KIAA1958: variants seen among roughly 807,000 people sequenced by gnomAD.
The protein encoded by KIAA1958 is uncharacterized protein KIAA1958.
KIAA1958 carries 14 observed loss-of-function variants against 47.2 expected under a neutral mutation model. The ratio of observed to expected loss-of-function variants is 0.30; its 90% CI spans 0.20 to 0.46. The LOEUF is 0.46. KIAA1958 is among the 20% of genes least tolerant of loss of function. The pLI is 1.00. For synonymous variants in KIAA1958, 354 were observed against 353.3 expected (o/e 1.00, Z -0.02); for missense variants, 803 against 909.2 (o/e 0.88, Z 1.50).
At chr9:112,500,896 C>T (rs971879711) in intron 1 of KIAA1958, among the ~76,000 whole-genome samples, 4 of 151,474 alleles carry the variant, frequency 2.6e-5, no homozygotes, top group Non-Finnish European at 5.9e-5. Context: ...ATTGCTTGAT[C>T]CCAGGAATTT....
chr9:112,642,258 T>A (rs995033910), intron 2 of KIAA1958, among the ~76,000 whole-genome samples: 22 of 152,224 alleles, frequency 1.4e-4, no homozygotes. Flanking sequence ...GAAGTGTTCA[T>A]GAATAGGCTT....
intron 1 of KIAA1958, among the ~76,000 whole-genome samples, chr9:112,559,749 T>TA (rs2131157681): frequency 6.6e-6 from 1 of 152,362 alleles, no homozygotes; most frequent in Admixed American, 6.5e-5. Context: ...TTAAAAATGT[T>TA]AAACATCACT....
Position 112,574,885 on chromosome 9 carries a change from A to G in KIAA1958, c.805A>G (p.Met269Val), listed in dbSNP as rs755426803. ...CAGCACGGAGCTAGACCCACACGGT[A>G]TGTCTGCATCCCCCTCTGTGATCTC... ...AISTELDPHG[M>V]SASPSVISRP... Residue 269 changes from methionine (M) to valine (V), a missense_variant, in exon 2 of 4, where the codon ATG becomes GTG. Physicochemically the swap from Met to Val is conservative, Grantham distance 21. Coordinates refer to ENST00000337530, the MANE Select transcript of KIAA1958 (RefSeq NM_133465.4). 2 of 1,613,992 alleles carry G rather than the reference A, an allele frequency of 1.2e-6. No individual in the cohort carries two copies. Among genetic ancestry groups the G allele is most frequent in the Non-Finnish European group, 8.5e-7 (1 of 1,180,010 alleles).
chr9:112,650,288 A>G (rs760740317), intron 3 of KIAA1958, among the ~76,000 whole-genome samples: 1 of 152,188 alleles, frequency 6.6e-6, no homozygotes, highest in Non-Finnish European at 1.5e-5. Context: ...AAATTATACC[A>G]TACAGAAACA....
At chr9:112,493,756 T>C (rs974342835) in intron 1 of KIAA1958, among the ~76,000 whole-genome samples, 1 of 152,246 alleles carries the variant, frequency 6.6e-6, no homozygotes, top group African/African-American at 2.4e-5. Flanking sequence ...ACACTGTTTA[T>C]CTGTGGCTTT....
intron 1 of KIAA1958, among the ~76,000 whole-genome samples, chr9:112,571,554 C>A (rs545846966): frequency 6.6e-6 from 1 of 152,228 alleles, no homozygotes; most frequent in African/African-American, 2.4e-5. Context: ...CACATTGCTG[C>A]CTTAACAAAT....
rs551989311 is a variant in KIAA1958, at chr9:112,599,940, C to T, written c.1171+24689C>T. ...CTAATAAGCAATATATCAATGAGTA[C>T]TGTCAGATTCTGTAGAAAAGTCCAC... On this transcript the variant is annotated intron_variant, in intron 2 of 3. Coordinates refer to ENST00000337530, the MANE Select transcript of KIAA1958 (RefSeq NM_133465.4). Among the ~76,000 whole-genome samples the T allele has an allele frequency of 2.1e-4, 32 of 152,246 alleles. 1 individual carries two copies. In the South Asian group the frequency reaches 5.8e-3, roughly 28 times the overall value.
In KIAA1958 at chr9:112,574,778, T is replaced by G; in HGVS notation, c.698T>G (p.Met233Arg). ...VDGPALSLTQ[M>R]AKPKPQTHAG... ...GGACCAGCCCTGTCCTTGACACAGATGGCAAAACCCAAGCCTCAGACTCAC... is the reference window on the plus strand; with the variant it reads ...GGACCAGCCCTGTCCTTGACACAGAGGGCAAAACCCAAGCCTCAGACTCAC... The change falls in exon 2 of 4, where the codon ATG becomes AGG. Residue 233 changes from methionine to arginine, a missense_variant. Met to Arg is a moderately conservative substitution (Grantham distance 91, BLOSUM62 -1). Coordinates refer to ENST00000337530, the MANE Select transcript of KIAA1958 (RefSeq NM_133465.4). The G allele has an allele frequency of 6.2e-7, 1 of 1,614,126 alleles. No individual in the cohort carries two copies. The highest frequency in any genetic ancestry group is 8.5e-7 in the Non-Finnish European group (1 of 1,180,000).
At chr9:112,493,940 ACTG>A (rs1834012471) in intron 1 of KIAA1958, among the ~76,000 whole-genome samples, 3 of 152,206 alleles carry the variant, frequency 2.0e-5, no homozygotes, top group Non-Finnish European at 4.4e-5. Context: ...CAATTACTTA[ACTG>A]TGCCATTGCA....
intron 2 of KIAA1958, among the ~76,000 whole-genome samples, chr9:112,641,698 A>C (rs879257523): frequency 1.3e-5 from 2 of 151,926 alleles, no homozygotes; most frequent in Admixed American, 1.3e-4. Context: ...TCACCCTCAT[A>C]ACTTCTTATG....
At position 112,618,095 on chromosome 9, in the gene KIAA1958, G is replaced by T. The variant is rs779873884; in HGVS notation, c.1172-27555G>T. On this transcript the variant is annotated intron_variant, in intron 2 of 3. Transcript: ENST00000337530. This position sits in a 1 kb window ranked among gnomAD's most constrained non-coding sequence, Gnocchi z 7.1. ...GTCCGAATACGAACCCAACAGCTTG[G>T]CCAATTACCAGTGTGGGCTCGAAAG... is the stretch of plus-strand genomic sequence containing the variant. 36 of 1,550,554 alleles carry T rather than the reference G, an allele frequency of 2.3e-5. No individual in the cohort carries two copies. The highest frequency in any genetic ancestry group is 3.1e-5 in the Non-Finnish European group (35 of 1,147,006).
intron 2 of KIAA1958, among the ~76,000 whole-genome samples, chr9:112,590,382 A>C (rs1588030954): frequency 7.4e-6 from 1 of 135,326 alleles, no homozygotes; most frequent in Non-Finnish European, 1.5e-5. Flanking sequence ...ACGGAATGTC[A>C]CTCTTGTCGC....
chr9:112,595,251 A>G (rs577294380), intron 2 of KIAA1958, among the ~76,000 whole-genome samples: 100 of 152,372 alleles, frequency 6.6e-4, no homozygotes, highest in Non-Finnish European at 1.2e-3. Context: ...TGACGAAGCT[A>G]TAGCACTGAG....
At chr9:112,563,300 C>T (rs1835370775) in intron 1 of KIAA1958, among the ~76,000 whole-genome samples, 1 of 151,946 alleles carries the variant, frequency 6.6e-6, no homozygotes, top group Non-Finnish European at 1.5e-5. Context: ...TGCATCAAAC[C>T]TATAGATAAA....
intron 1 of KIAA1958, among the ~76,000 whole-genome samples, chr9:112,549,425 T>G (rs1474680326): frequency 6.6e-6 from 1 of 152,250 alleles, no homozygotes; most frequent in African/African-American, 2.4e-5. Context: ...TGTTTGCTGT[T>G]TTCTGTATAT....
chr9:112,644,515 C>G (rs1293295983), intron 2 of KIAA1958, among the ~76,000 whole-genome samples: 1 of 152,170 alleles, frequency 6.6e-6, no homozygotes, highest in Non-Finnish European at 1.5e-5. Flanking sequence ...TTGAGATGCT[C>G]TACCTTGACT....
intron 1 of KIAA1958, among the ~76,000 whole-genome samples, chr9:112,511,084 G>A (rs1834318601): frequency 6.6e-6 from 1 of 152,150 alleles, no homozygotes; most frequent in Non-Finnish European, 1.5e-5. Flanking sequence ...TCTGCTGCTT[G>A]CTTCTGTTTC....
At position 112,489,674 on chromosome 9, in the gene KIAA1958, CAAAT is replaced by C. The variant is rs144115038; in HGVS notation, c.-25+2559_-25+2562del. On this transcript the variant is annotated intron_variant, in intron 1 of 3. Coordinates refer to ENST00000337530, the MANE Select transcript of KIAA1958 (RefSeq NM_133465.4). ...TTGAAATTTTTTTCATTTATTTTGA[CAAAT>C]AAGTGCTGCTTCCAGAAAATTTGAA... is the stretch of plus-strand genomic sequence containing the variant. Among the ~76,000 whole-genome samples, 693 of 151,986 alleles carry C rather than the reference CAAAT, an allele frequency of 4.6e-3. 34 individuals carry two copies. The East Asian group carries it at 0.12, about 25-fold the overall frequency.
chr9:112,505,667 TG>T (rs1202459128), intron 1 of KIAA1958, among the ~76,000 whole-genome samples: 2 of 152,196 alleles, frequency 1.3e-5, no homozygotes, highest in Non-Finnish European at 2.9e-5. Flanking sequence ...ACCTCACAGA[TG>T]GTTATCAAAT....
Sources: gnomAD v4.1 joint callset for allele counts (sites outside exome capture counted in the v4.1 genomes callset) on GRCh38, gnomAD v4.1.1 for gene constraint, Gnocchi (gnomAD v3.1) non-coding constraint, MANE v1.5 for transcripts, NCBI Gene and HGNC (gene_info 2026-07-23, HGNC 2026-07-21) for gene names.